ACOXL: variants seen among roughly 807,000 people sequenced by gnomAD.
The protein encoded by ACOXL is acyl-coenzyme A oxidase-like protein.
Under a neutral mutation model 71.9 loss-of-function variants are expected in ACOXL, and 70 were observed. That is an observed-to-expected ratio of 0.97 (90% confidence interval 0.80 to 1.19). The LOEUF (loss-of-function observed/expected upper bound fraction) is 1.19. Among genes scored for constraint, ACOXL ranks in the 50% most tolerant of loss-of-function variants. The pLI, the probability that ACOXL is intolerant of heterozygous loss-of-function variation, is 0.00. For missense variants in ACOXL, 703 were observed against 736.3 expected (o/e 0.95, Z 0.52); for synonymous variants, 253 against 281.6 (o/e 0.90, Z 1.02).
chr2:111,046,099 C>A (rs1163954691), intron 15 of ACOXL, among the ~76,000 whole-genome samples: 1 of 152,244 alleles, frequency 6.6e-6, no homozygotes, highest in Admixed American at 6.5e-5. Context: ...TGTGTCACAT[C>A]AAGGCATCGA....
chr2:111,086,822 T>G (rs2068233252), intron 16 of ACOXL, among the ~76,000 whole-genome samples: 1 of 152,074 alleles, frequency 6.6e-6, no homozygotes, highest in Non-Finnish European at 1.5e-5. Context: ...GCAAGATAAA[T>G]AAATAAAAGG....
At chr2:110,803,436 A>G (rs1035574164) in intron 8 of ACOXL, among the ~76,000 whole-genome samples, 3 of 152,226 alleles carry the variant, frequency 2.0e-5, no homozygotes, top group Non-Finnish European at 4.4e-5. Flanking sequence ...AGTCTTTTTG[A>G]CAAATGGTGC....
At chr2:111,108,896 G>A (rs1039199405) in intron 17 of ACOXL, among the ~76,000 whole-genome samples, 1 of 152,222 alleles carries the variant, frequency 6.6e-6, no homozygotes, top group Non-Finnish European at 1.5e-5. Flanking sequence ...GCAGATAGAT[G>A]TAGGTTTCTT....
At chr2:111,021,811 G>C (rs548231879) in intron 14 of ACOXL, among the ~76,000 whole-genome samples, 1 of 152,110 alleles carries the variant, frequency 6.6e-6, no homozygotes, top group South Asian at 2.1e-4. Flanking sequence ...AGGAAAAAGA[G>C]ATAGAAATAC....
rs535390960 is a variant in ACOXL at position 110,785,501 on chromosome 2, C to T, written c.159+686C>T. Among the ~76,000 whole-genome samples, 44 of 151,830 alleles carry T rather than the reference C, an allele frequency of 2.9e-4. 1 individual carries two copies. The South Asian group carries it at 7.3e-3, about 25-fold the overall frequency. On this transcript the variant is annotated intron_variant, in intron 3 of 17. Coordinates refer to ENST00000439055, the MANE Select transcript of ACOXL (RefSeq NM_001142807.4). ...CAGAAAGAAACTTCCGGGTCCTACC[C>T]GGAAGTTTCATTTGGCCTCCATTCC...
chr2:111,023,664 A>G (rs1010312323), intron 14 of ACOXL, among the ~76,000 whole-genome samples: 5 of 152,096 alleles, frequency 3.3e-5, no homozygotes, highest in Non-Finnish European at 7.4e-5. Flanking sequence ...AATTGCCAAG[A>G]GAGACACTGA....
intron 14 of ACOXL, among the ~76,000 whole-genome samples, chr2:110,998,769 TC>T (rs767241905): frequency 6.6e-6 from 1 of 152,124 alleles, no homozygotes; most frequent in Non-Finnish European, 1.5e-5. Context: ...TCCCTCCAGC[TC>T]CCACCTCTGG....
chr2:110,785,370 T>TTGTGTGTGTGTGTG (rs34917698), intron 3 of ACOXL, among the ~76,000 whole-genome samples: 23 of 145,670 alleles, frequency 1.6e-4, no homozygotes, highest in African/African-American at 5.3e-4. Flanking sequence ...ATGCACTCAG[T>TTGTGTGTGTGTGTG]TGTGTGTGTG....
At chr2:110,819,790 G>A (rs183030038) in intron 9 of ACOXL, among the ~76,000 whole-genome samples, 1 of 152,128 alleles carries the variant, frequency 6.6e-6, no homozygotes. Context: ...CTAGAGAAGG[G>A]GCTGAGGATA....
At chr2:110,939,179 C>T (rs1298716202) in intron 12 of ACOXL, among the ~76,000 whole-genome samples, 1 of 152,166 alleles carries the variant, frequency 6.6e-6, no homozygotes, top group Non-Finnish European at 1.5e-5. Context: ...GTTGCTATAG[C>T]CTAAAATGAG....
At chr2:110,917,117 G>A (rs559247865) in intron 11 of ACOXL, among the ~76,000 whole-genome samples, 2 of 152,140 alleles carry the variant, frequency 1.3e-5, no homozygotes, top group South Asian at 2.1e-4. Flanking sequence ...AAGAAAATTC[G>A]AGGCCAATAT....
At chr2:110,974,495 TG>T (rs2062357246) in intron 12 of ACOXL, among the ~76,000 whole-genome samples, 1 of 152,206 alleles carries the variant, frequency 6.6e-6, no homozygotes, top group South Asian at 2.1e-4. Flanking sequence ...CCCACACCCA[TG>T]AAACCCCATT....
intron 11 of ACOXL, among the ~76,000 whole-genome samples, chr2:110,917,327 G>T (rs2059899549): frequency 6.6e-6 from 1 of 152,134 alleles, no homozygotes; most frequent in South Asian, 2.1e-4. Context: ...AATAGATGCA[G>T]AAAAGACCTT....
At chr2:110,826,540 G>A (rs1689179549) in intron 9 of ACOXL, among the ~76,000 whole-genome samples, 1 of 152,158 alleles carries the variant, frequency 6.6e-6, no homozygotes. Flanking sequence ...CAGACCTCTT[G>A]CCTGACCCAG....
intron 14 of ACOXL, among the ~76,000 whole-genome samples, chr2:111,014,905 A>G (rs914366839): frequency 6.6e-6 from 1 of 152,222 alleles, no homozygotes; most frequent in Admixed American, 6.5e-5. Context: ...AAACATCTAG[A>G]TATCTGAAGG....
chr2:110,790,737 G>A lies in ACOXL; in HGVS notation c.160-2913G>A, dbSNP rs756386122. Among the ~76,000 whole-genome samples the A allele has an allele frequency of 7.9e-5, 12 of 152,168 alleles. No homozygotes were observed. In the East Asian group the frequency reaches 1.2e-3, roughly 15 times the overall value. On this transcript the variant is annotated intron_variant, in intron 3 of 17. Coordinates refer to ENST00000439055, the MANE Select transcript of ACOXL (RefSeq NM_001142807.4). Reference sequence around the variant, plus strand: ...AGTGTCCTCTCGGAGGACACTCTGCGACATTCCCACGTGATCGGTTGATGC... The same window carrying A: ...AGTGTCCTCTCGGAGGACACTCTGCAACATTCCCACGTGATCGGTTGATGC...
chr2:110,971,963 G>A (rs186039376), intron 12 of ACOXL, among the ~76,000 whole-genome samples: 38 of 152,318 alleles, frequency 2.5e-4, no homozygotes, highest in Non-Finnish European at 4.6e-4. Context: ...TGACCCTGAA[G>A]TTGTGATTTA....
Position 110,963,692 on chromosome 2 carries a change from T to C in ACOXL, c.1060-23416T>C, listed in dbSNP as rs1231270099. 4 of 1,613,874 alleles carry C rather than the reference T, an allele frequency of 2.5e-6. No homozygotes were observed. The East Asian group carries it at 6.7e-5, about 27-fold the overall frequency. On this transcript the variant is annotated intron_variant, in intron 12 of 17. Transcript: ENST00000439055. Reference sequence around the variant, plus strand: ...CAGATGTGTTTGCCACTTTTGAAGGTGACGATGTTGTTATGCTTCAGGTAA... The same window carrying C: ...CAGATGTGTTTGCCACTTTTGAAGGCGACGATGTTGTTATGCTTCAGGTAA...
intron 16 of ACOXL, among the ~76,000 whole-genome samples, chr2:111,075,435 C>T (rs2067552197): frequency 6.7e-6 from 1 of 148,724 alleles, no homozygotes; most frequent in Admixed American, 6.7e-5. Context: ...ACTGCTTTCC[C>T]TTCTTTCATT....
Sources: gnomAD v4.1 joint callset for allele counts (sites outside exome capture counted in the v4.1 genomes callset) on GRCh38, gnomAD v4.1.1 for gene constraint, MANE v1.5 for transcripts, NCBI Gene and HGNC (gene_info 2026-07-23, HGNC 2026-07-21) for gene names.